Variants in GABRB1 observed in about 807,000 individuals in gnomAD.
GABRB1 encodes gamma-aminobutyric acid type A receptor subunit beta1.
GABRB1 carries 17 observed loss-of-function variants against 51.6 expected under a neutral mutation model. That is an observed-to-expected ratio of 0.33 (90% CI 0.23 to 0.49). GABRB1 has a LOEUF of 0.49. Ranked by LOEUF, GABRB1 falls within the 20% of genes least tolerant of loss-of-function variation. The pLI, the probability that GABRB1 is intolerant of heterozygous loss-of-function variation, is 0.99. For synonymous variants in GABRB1, 247 were observed against 218.9 expected, an observed-to-expected ratio of 1.13 and a Z score of -1.14; for missense variants, 410 against 600.6, an observed-to-expected ratio of 0.68 and a Z score of 3.32.
chr4:47,154,167 G>T (rs531102490), intron 3 of GABRB1, among the ~76,000 whole-genome samples: 4 of 151,208 alleles, frequency 2.6e-5, no homozygotes, highest in African/African-American at 9.7e-5. Flanking sequence ...AGAAACAGGT[G>T]TTTTGTGGTT....
chr4:47,065,025 T>C (rs927649225), intron 3 of GABRB1, among the ~76,000 whole-genome samples: 5 of 152,118 alleles, frequency 3.3e-5, no homozygotes, highest in African/African-American at 1.2e-4. Context: ...AATTGGAAAA[T>C]ACACAGGAAG....
intron 1 of GABRB1, among the ~76,000 whole-genome samples, chr4:47,005,967 A>G (rs6848527): frequency 2.2e-4 from 33 of 150,498 alleles, no homozygotes; most frequent in Non-Finnish European, 4.4e-4. Flanking sequence ...AAAACTTGGA[A>G]GTATCTGATT....
At chr4:47,275,684 C>T (rs138921362) in intron 4 of GABRB1, among the ~76,000 whole-genome samples, 37 of 152,244 alleles carry the variant, frequency 2.4e-4, no homozygotes, top group Non-Finnish European at 5.0e-4. Context: ...GATCAGGAAA[C>T]CACCAGACGC....
chr4:47,207,463 A>C (rs1340835743), intron 4 of GABRB1, among the ~76,000 whole-genome samples: 1 of 151,994 alleles, frequency 6.6e-6, no homozygotes. Flanking sequence ...TTCTCCATTA[A>C]AATTAGTTTT....
At chr4:47,076,453 A>C (rs1182853052) in intron 3 of GABRB1, among the ~76,000 whole-genome samples, 1 of 151,928 alleles carries the variant, frequency 6.6e-6, no homozygotes, top group African/African-American at 2.4e-5. Context: ...GGATTTGTTA[A>C]CCAGCCCCAG....
At chr4:47,002,456 C>A (rs1169978548) in intron 1 of GABRB1, among the ~76,000 whole-genome samples, 1 of 152,038 alleles carries the variant, frequency 6.6e-6, no homozygotes, top group African/African-American at 2.4e-5. Flanking sequence ...GAAGAAAACA[C>A]AAATTAAACC....
intron 5 of GABRB1, among the ~76,000 whole-genome samples, chr4:47,371,262 T>C (rs994725976): frequency 6.6e-6 from 1 of 152,196 alleles, no homozygotes; most frequent in Non-Finnish European, 1.5e-5. Flanking sequence ...GGAAAGAACA[T>C]GATATCATTC....
intron 4 of GABRB1, among the ~76,000 whole-genome samples, chr4:47,243,434 G>C (rs1285071338): frequency 6.6e-6 from 1 of 151,922 alleles, no homozygotes; most frequent in Admixed American, 6.6e-5. Context: ...AAAGTCATTG[G>C]TAGCTTGATG....
chr4:47,198,641 T>C (rs939474665), intron 4 of GABRB1, among the ~76,000 whole-genome samples: 1 of 152,178 alleles, frequency 6.6e-6, no homozygotes, highest in African/African-American at 2.4e-5. Context: ...GGCAGAAAAC[T>C]TACCTGAATT....
chr4:47,398,742 G>A (rs2110046255), intron 5 of GABRB1, among the ~76,000 whole-genome samples: 2 of 152,066 alleles, frequency 1.3e-5, no homozygotes, highest in East Asian at 3.9e-4. Context: ...CCGCCACCAC[G>A]CCCGGCTAAA....
At chr4:47,102,466 G>A (rs1434601038) in intron 3 of GABRB1, among the ~76,000 whole-genome samples, 2 of 152,014 alleles carry the variant, frequency 1.3e-5, no homozygotes, top group South Asian at 2.1e-4. Context: ...ATATGAAAGG[G>A]AAGAGTGCAA....
At chr4:47,256,472 C>G (rs147327045) in intron 4 of GABRB1, among the ~76,000 whole-genome samples, 133 of 152,290 alleles carry the variant, frequency 8.7e-4, no homozygotes, top group African/African-American at 3.1e-3. Flanking sequence ...CAAGGAACTG[C>G]ACTACACGCT....
chr4:47,032,306 GC>G, intron 2 of GABRB1, 110 bp from the exon 3 acceptor site: 1 of 999,016 alleles, frequency 1.0e-6, no homozygotes, highest in Non-Finnish European at 1.5e-6. Context: ...GGTGGGGGGA[GC>G]AGGGAGGGAG....
At chr4:47,234,982 C>G (rs1213687763) in intron 4 of GABRB1, among the ~76,000 whole-genome samples, 3 of 152,168 alleles carry the variant, frequency 2.0e-5, no homozygotes, top group African/African-American at 7.2e-5. Flanking sequence ...TTGAGATCAT[C>G]TTTTACATTG....
intron 8 of GABRB1, among the ~76,000 whole-genome samples, chr4:47,418,774 A>G (rs1178892450): frequency 6.6e-6 from 1 of 152,202 alleles, no homozygotes; most frequent in Non-Finnish European, 1.5e-5. Flanking sequence ...AGTGGAAGGA[A>G]CAAGTTGGAT....
chr4:47,404,307 C>G (rs964867958), intron 7 of GABRB1, among the ~76,000 whole-genome samples: 1 of 151,994 alleles, frequency 6.6e-6, no homozygotes, highest in Non-Finnish European at 1.5e-5. Flanking sequence ...AGAACTAATC[C>G]TGTCATGGTT....
chr4:47,237,852 GAAGTAAT>G (rs1178147472), intron 4 of GABRB1, among the ~76,000 whole-genome samples: 1 of 151,934 alleles, frequency 6.6e-6, no homozygotes, highest in East Asian at 1.9e-4. Context: ...GAAGATTAAT[GAAGTAAT>G]AATTGAGATT....
intron 4 of GABRB1, among the ~76,000 whole-genome samples, chr4:47,304,183 G>A (rs1350184495): frequency 2.0e-5 from 3 of 151,870 alleles, no homozygotes; most frequent in Non-Finnish European, 1.5e-5. Flanking sequence ...AGGATCATAT[G>A]GTAGTTCTAT....
chr4:47,240,163 C>T (rs751777580), intron 4 of GABRB1, among the ~76,000 whole-genome samples: 4 of 152,138 alleles, frequency 2.6e-5, no homozygotes, highest in African/African-American at 9.7e-5. Context: ...GATGACTTTT[C>T]CCATTTTTGC....
Sources: gnomAD v4.1 joint callset for allele counts (sites outside exome capture counted in the v4.1 genomes callset) on GRCh38, gnomAD v4.1.1 for gene constraint, MANE v1.5 for transcripts, NCBI Gene and HGNC (gene_info 2026-07-23, HGNC 2026-07-21) for gene names.